The following PRMT7 variants were observed in gnomAD, a reference collection of about 807,000 sequenced individuals.
PRMT7 encodes protein arginine methyltransferase 7.
In PRMT7, 75 loss-of-function variants were observed where a neutral mutation model predicts 85.4. That is an observed-to-expected ratio of 0.88 (90% confidence interval 0.73 to 1.06). The LOEUF (loss-of-function observed/expected upper bound fraction) is 1.06. PRMT7 is among the 50% of genes least tolerant of loss of function. The probability of loss-of-function intolerance (pLI) is 0.00; values close to 1 mark genes in which losing one functional copy is unlikely to be tolerated. For synonymous variants in PRMT7, 397 were observed against 359.5 expected (o/e 1.10, Z -1.18); for missense variants, 868 against 915.2 (o/e 0.95, Z 0.67).
At chr16:68,315,213 C>T (rs779003742) in intron 2 of PRMT7, 2 of 152,136 alleles carry the variant, frequency 1.3e-5, no homozygotes, top group Non-Finnish European at 2.9e-5. Context: ...CCACTGCGTA[C>T]CCCTCCTTGA....
chr16:68,346,056 C>G (rs1746837560), intron 10 of PRMT7, 89 bp from the exon 11 acceptor site: 1 of 1,578,804 alleles, frequency 6.3e-7, no homozygotes, highest in Non-Finnish European at 8.6e-7. Context: ...GCCCTCATGC[C>G]TACTGGAGAC....
chr16:68,353,506 C>T lies in PRMT7; in HGVS notation c.1590C>T (p.Ile530=), dbSNP rs1203793119. The T allele has an allele frequency of 8.7e-6, 14 of 1,609,254 alleles. No individual in the cohort carries two copies. The highest frequency in any genetic ancestry group is 1.2e-5 in the Non-Finnish European group (14 of 1,178,018). The change falls in exon 16 of 19, where the codon ATC becomes ATT. Residue 530 remains isoleucine (I), a synonymous_variant. Coordinates refer to ENST00000441236, the MANE Select transcript of PRMT7 (RefSeq NM_019023.5). ...VVVEFRDLWR[I]RSPCGDCEGF... ...CTTCCTCACAGGACCTGTGGCGGATCCGGAGCCCCTGTGGTGACTGCGAAG... is the reference window on the plus strand; with the variant it reads ...CTTCCTCACAGGACCTGTGGCGGATTCGGAGCCCCTGTGGTGACTGCGAAG...
In PRMT7 at chr16:68,311,047, G is replaced by C. The variant is rs545648434; in HGVS notation, c.-271G>C. 1.9e-4 allele frequency: 175 copies of C among 904,028 alleles called. No individual in the cohort carries two copies. The highest frequency in any genetic ancestry group is 1.5e-3 in the South Asian group (109 of 70,832). The allele number at this position is 904,028 out of a possible 1,614,324, so 56.0% of individuals were successfully genotyped here. On this transcript the variant is annotated 5_prime_UTR_variant, in exon 1 of 19. Coordinates refer to ENST00000441236, the MANE Select transcript of PRMT7 (RefSeq NM_019023.5). Reference sequence around the variant, plus strand: ...GCTGCGAGGTCCCGCCCCGCGTGCTGGCCGCGGTAAAAGTGGTAGCAGCGG... The same window carrying C: ...GCTGCGAGGTCCCGCCCCGCGTGCTCGCCGCGGTAAAAGTGGTAGCAGCGG...
intron 9 of PRMT7, among the ~76,000 whole-genome samples, chr16:68,343,239 A>T (rs1328880450): frequency 6.6e-6 from 1 of 152,042 alleles, no homozygotes; most frequent in Non-Finnish European, 1.5e-5. Context: ...TAATTTGCAT[A>T]TCTTCGGAGC....
At chr16:68,329,013 C>A in intron 5 of PRMT7, 53 bp from the exon 6 acceptor site, 2 of 1,280,338 alleles carry the variant, frequency 1.6e-6, no homozygotes, top group Non-Finnish European at 1.1e-6. Flanking sequence ...AAAGGTCAGA[C>A]TACTGTTTAA....
chr16:68,355,796 C>A lies in PRMT7; in HGVS notation c.1724C>A (p.Ser575Tyr). Residue 575 changes from serine (S) to tyrosine (Y), a missense_variant, in exon 17 of 19, where the codon TCC becomes TAC. Physicochemically the swap from Ser to Tyr is moderately radical, Grantham distance 144. Coordinates refer to ENST00000441236, the MANE Select transcript of PRMT7 (RefSeq NM_019023.5). Reference sequence around the variant, plus strand: ...TGGGAGTACCCATGCCGCAGCCTCTCCGAGCCCTGGCAGATCCTGACCTTT... The same window carrying A: ...TGGGAGTACCCATGCCGCAGCCTCTACGAGCCCTGGCAGATCCTGACCTTT... Reference protein sequence around the residue: ...PLWEYPCRSLSEPWQILTFDF... With the variant: ...PLWEYPCRSLYEPWQILTFDF... 6.2e-7 allele frequency: 1 copy of A among 1,611,960 alleles called. No individual in the cohort carries two copies.
At chr16:68,315,755 T>G in intron 2 of PRMT7, 142 bp from the exon 3 acceptor site, 1 of 540,744 alleles carries the variant, frequency 1.8e-6, no homozygotes, top group South Asian at 2.1e-5. Context: ...TCAGTGGCTT[T>G]GACATTTTTG....
intron 6 of PRMT7, among the ~76,000 whole-genome samples, chr16:68,331,396 T>C (rs2083875257): frequency 6.6e-6 from 1 of 152,172 alleles, no homozygotes; most frequent in South Asian, 2.1e-4. Context: ...GATTCACTGA[T>C]CTTTTCTTTT....
chr16:68,357,549 T>C lies in PRMT7; in HGVS notation c.*325T>C. On this transcript the variant is annotated 3_prime_UTR_variant, in exon 19 of 19. Transcript: ENST00000441236. ...GGAAGGGAGTGGAAGCACAGGGAGCTTGTGGGGCTGGCCGGTGGGGTTGTC... is the reference window on the plus strand; with the variant it reads ...GGAAGGGAGTGGAAGCACAGGGAGCCTGTGGGGCTGGCCGGTGGGGTTGTC... 3.8e-6 allele frequency: 1 copy of C among 266,248 alleles called. No individual in the cohort carries two copies. The highest frequency in any genetic ancestry group is 7.1e-6 in the Non-Finnish European group (1 of 140,804). The allele number at this position is 266,248 out of a possible 1,614,324, so 16.5% of individuals were successfully genotyped here. A position where few individuals can be genotyped will look rare whatever the true frequency, so the allele number is the denominator to read the frequency against.
intron 3 of PRMT7, chr16:68,316,979 A>AGGGC (rs71804553): frequency 1.1e-3 from 18 of 16,900 alleles, no homozygotes; most frequent in Non-Finnish European, 2.9e-3. Flanking sequence ...TGGGAGGCAA[A>AGGGC]GGGCGGGCGG....
chr16:68,321,838 C>T, intron 4 of PRMT7: 1 of 173,606 alleles, frequency 5.8e-6, no homozygotes, highest in Admixed American at 6.2e-5. Flanking sequence ...ACATTATTAA[C>T]TATAGCTCAC....
chr16:68,323,221 C>CTTTTT (rs201213218), intron 4 of PRMT7, among the ~76,000 whole-genome samples: 1 of 142,830 alleles, frequency 7.0e-6, no homozygotes, highest in Non-Finnish European at 1.5e-5. Flanking sequence ...TTCTTTCTTT[C>CTTTTT]TTTTTTTTTT....
intron 18 of PRMT7, 27 bp from the exon 19 acceptor site, chr16:68,357,027 A>C (rs1435314748): frequency 1.3e-6 from 2 of 1,580,692 alleles, no homozygotes; most frequent in Admixed American, 1.7e-5. Flanking sequence ...GGGAGCCCTC[A>C]CCATCTTCCT....
intron 3 of PRMT7, among the ~76,000 whole-genome samples, chr16:68,317,208 A>G (rs1401434069): frequency 7.1e-6 from 1 of 140,946 alleles, no homozygotes; most frequent in Non-Finnish European, 1.5e-5. Flanking sequence ...ACTGCACTCC[A>G]GCCTGGGTAA....
intron 6 of PRMT7, among the ~76,000 whole-genome samples, chr16:68,330,898 C>G (rs1366704239): frequency 6.6e-6 from 1 of 152,072 alleles, no homozygotes; most frequent in Non-Finnish European, 1.5e-5. Flanking sequence ...CCCGGCCTAT[C>G]TTTTTTATTT....
intron 6 of PRMT7, among the ~76,000 whole-genome samples, chr16:68,335,805 G>A: frequency 6.7e-6 from 1 of 148,986 alleles, no homozygotes; most frequent in Admixed American, 6.7e-5. Context: ...TTGAAATGGA[G>A]TCTCACTCTG....
chr16:68,359,675 C>T (rs2089120231), downstream of PRMT7: 1 of 152,668 alleles, frequency 6.6e-6, no homozygotes, highest in South Asian at 2.1e-4. Flanking sequence ...CAAAGCCGGC[C>T]CTGGGCCAGG....
chr16:68,314,692 A>G (rs1219437128), intron 2 of PRMT7, among the ~76,000 whole-genome samples: 4 of 152,226 alleles, frequency 2.6e-5, no homozygotes, highest in Non-Finnish European at 4.4e-5. Flanking sequence ...GTTTAACAAG[A>G]AAGGAAGGGC....
At chr16:68,316,543 A>C (rs2081880332) in intron 3 of PRMT7, among the ~76,000 whole-genome samples, 1 of 152,034 alleles carries the variant, frequency 6.6e-6, no homozygotes, top group Non-Finnish European at 1.5e-5. Context: ...AGGTGGCCAG[A>C]TCACCTGAGG....
Sources: allele counts gnomAD v4.1 joint callset (sites outside exome capture counted in the v4.1 genomes callset), GRCh38; gene constraint gnomAD v4.1.1; transcripts MANE v1.5; gene names NCBI Gene and HGNC (gene_info 2026-07-23, HGNC 2026-07-21).